SCARB2: variants seen among roughly 807,000 people sequenced by gnomAD.
SCARB2 encodes the protein scavenger receptor class B member 2.
A neutral mutation model predicts 58.6 loss-of-function variants in SCARB2; 29 were observed. That is an observed-to-expected ratio of 0.49 (90% confidence interval 0.37 to 0.67). The LOEUF (loss-of-function observed/expected upper bound fraction) is 0.67. Ranked by LOEUF, SCARB2 falls within the 30% of genes least tolerant of loss-of-function variation. The probability of loss-of-function intolerance (pLI) is 0.00; values close to 1 mark genes in which losing one functional copy is unlikely to be tolerated. For missense variants in SCARB2, 488 were observed against 578.5 expected (o/e 0.84, Z 1.60); for synonymous variants, 195 against 210.1 (o/e 0.93, Z 0.62).
Position 76,168,404 on chromosome 4 carries a change from C to T in SCARB2, c.1186G>A (p.Val396Ile), listed in dbSNP as rs2228380. The stretch of plus-strand genomic sequence containing the variant: ...TCCATAGAAAGAAGCAAAACTTACA[C>T]AAAGTCATCTAATTTTTTGACATAA... Reference protein sequence around the residue: ...NIYVKKLDDFVETGDIRTMVF... With the variant: ...NIYVKKLDDFIETGDIRTMVF... Residue 396 changes from valine (V) to isoleucine (I), a missense_variant and splice_region_variant, in exon 9 of 12, where the codon GTT becomes ATT. By Grantham distance (29) the Val-to-Ile change is conservative. Transcript: ENST00000264896. 6,943 of 1,613,768 alleles carry T rather than the reference C, an allele frequency of 4.3e-3. 266 individuals are homozygous for T. In the African/African-American group the frequency reaches 0.081, roughly 19 times the overall value.
At position 76,159,387 on chromosome 4, in the gene SCARB2, G is replaced by A. The variant is rs1349377998; in HGVS notation, c.*2326C>T. On this transcript the variant is annotated 3_prime_UTR_variant, in exon 12 of 12. Coordinates refer to ENST00000264896, the MANE Select transcript of SCARB2 (RefSeq NM_005506.4). ...TTGTAGATCTGTCTCAGACTTTTCA[G>A]AAGGATAGTATCAAATGTGATTTAA... The A allele has an allele frequency of 6.6e-6, 1 of 152,070 alleles. No individual in the cohort carries two copies. Among genetic ancestry groups the A allele is most frequent in the African/African-American group, 2.4e-5 (1 of 41,390 alleles). 9.4% of individuals were successfully genotyped at this position (152,070 alleles called of 1,614,324 possible).
chr4:76,209,843 AG>A (rs1276295862), intron 1 of SCARB2, among the ~76,000 whole-genome samples: 10 of 152,282 alleles, frequency 6.6e-5, no homozygotes, highest in African/African-American at 2.4e-4. Flanking sequence ...ACCTGTGAAG[AG>A]GAAGTCAAAG....
intron 9 of SCARB2, among the ~76,000 whole-genome samples, chr4:76,167,785 G>A (rs1045194500): frequency 1.7e-4 from 26 of 148,922 alleles, no homozygotes; most frequent in Middle Eastern, 3.5e-3. Context: ...TGGTTCAAGC[G>A]ATTCTCTTGC....
At chr4:76,193,866 T>C (rs771205123) in intron 2 of SCARB2, 4 of 152,230 alleles carry the variant, frequency 2.6e-5, no homozygotes, top group Non-Finnish European at 5.9e-5. Context: ...TATTTTAACA[T>C]GTGAGAAGGA....
chr4:76,185,620 T>C (rs1345008639), intron 2 of SCARB2, among the ~76,000 whole-genome samples: 1 of 152,154 alleles, frequency 6.6e-6, no homozygotes, highest in Non-Finnish European at 1.5e-5. Flanking sequence ...GGAGTGGAAA[T>C]CAAAAGGAAT....
intron 2 of SCARB2, chr4:76,184,770 A>G (rs1392877500): frequency 5.2e-6 from 2 of 382,174 alleles, no homozygotes; most frequent in Non-Finnish European, 1.0e-5. Flanking sequence ...CAACAGAGCA[A>G]GACTTTGTCT....
At chr4:76,184,745 G>A in intron 2 of SCARB2, 1 of 376,264 alleles carries the variant, frequency 2.7e-6, no homozygotes, top group Non-Finnish European at 5.1e-6. Context: ...TCATGCCACT[G>A]CATTCCAGCA....
chr4:76,233,869 G>C (rs1265234503), intron 1 of SCARB2, among the ~76,000 whole-genome samples: 1 of 151,984 alleles, frequency 6.6e-6, no homozygotes, highest in Non-Finnish European at 1.5e-5. Context: ...GTTGGGGGGG[G>C]CTTGGTTTAG....
chr4:76,163,250 C>A lies in SCARB2; in HGVS notation c.1373G>T (p.Cys458Phe), dbSNP rs1578712032. The change falls in exon 11 of 12, where the codon TGC (cysteine) becomes TTC (phenylalanine). Residue 458 changes from cysteine to phenylalanine, a missense_variant. Physicochemically the swap from Cys to Phe is radical, Grantham distance 205. Transcript: ENST00000264896. Reference sequence around the variant, plus strand: ...CTCATCCATGGATCCCTGTCCTTTGCATGCAAGCCAGGTAAAAACCAAACC... The same window carrying A: ...CTCATCCATGGATCCCTGTCCTTTGAATGCAAGCCAGGTAAAAACCAAACC... The part of the protein sequence containing the change: ...FFGLVFTWLA[C>F]KGQGSMDEGT... 2 of 1,614,164 alleles carry A rather than the reference C, an allele frequency of 1.2e-6. No homozygotes were observed. Among genetic ancestry groups the A allele is most frequent in the Non-Finnish European group, 1.7e-6 (2 of 1,180,018 alleles).
chr4:76,166,164 C>G (rs1017675198), intron 10 of SCARB2, 86 bp downstream of exon 10: 13 of 1,321,624 alleles, frequency 9.8e-6, no homozygotes, highest in Non-Finnish European at 1.4e-5. Flanking sequence ...TCTGTCATAA[C>G]TTACATGTAA....
intron 7 of SCARB2, chr4:76,173,881 AT>A: frequency 2.2e-6 from 1 of 448,258 alleles, no homozygotes; most frequent in Non-Finnish European, 4.1e-6. Context: ...GTTATGAAAC[AT>A]TGTTCTTGAA....
intron 1 of SCARB2, among the ~76,000 whole-genome samples, chr4:76,227,772 T>C (rs1308638910): frequency 6.6e-6 from 1 of 152,232 alleles, no homozygotes; most frequent in East Asian, 1.9e-4. Context: ...CTTGTCACTA[T>C]ATAATGTGCC....
At position 76,213,448 on chromosome 4, in the gene SCARB2, A is replaced by G. The variant is rs752537434; in HGVS notation, c.96T>C (p.Ala32=). The change falls in exon 1 of 12, where the codon GCT becomes GCC. Residue 32 remains alanine (A), a synonymous_variant. Coordinates refer to ENST00000264896, the MANE Select transcript of SCARB2 (RefSeq NM_005506.4). The stretch of plus-strand genomic sequence containing the variant: ...TCACCTTCTCGATACTCTGGTCTAC[A>G]GCCTTCTGGAAGACCCGGGCCACCA... ...TLLVARVFQK[A]VDQSIEKKIV... 5 of 1,610,330 alleles carry G rather than the reference A, an allele frequency of 3.1e-6. No individual in the cohort carries two copies. The Admixed American group carries it at 8.4e-5, about 27-fold the overall frequency.
chr4:76,220,953 G>T (rs1733295820), intron 1 of SCARB2, among the ~76,000 whole-genome samples: 1 of 152,138 alleles, frequency 6.6e-6, no homozygotes, highest in African/African-American at 2.4e-5. Flanking sequence ...TTCCCCTGGG[G>T]ATGGCAGCTT....
At chr4:76,169,317 T>C (rs1345440216) in intron 8 of SCARB2, among the ~76,000 whole-genome samples, 2 of 127,398 alleles carry the variant, frequency 1.6e-5, no homozygotes, top group Non-Finnish European at 3.2e-5. Context: ...ATGTGTATTA[T>C]ACACACACAC....
chr4:76,233,235 GT>G (rs1170367186), intron 1 of SCARB2, among the ~76,000 whole-genome samples: 1 of 151,964 alleles, frequency 6.6e-6, no homozygotes, highest in African/African-American at 2.4e-5. Context: ...CTGCAGCCAA[GT>G]TTTGCCTTCT....
intron 5 of SCARB2, 47 bp downstream of exon 5, chr4:76,176,390 A>T: frequency 7.3e-7 from 1 of 1,361,662 alleles, no homozygotes; most frequent in Non-Finnish European, 1.0e-6. Flanking sequence ...CATGTAGTTT[A>T]AATGAAAACT....
intron 1 of SCARB2, among the ~76,000 whole-genome samples, chr4:76,210,069 A>G (rs1322974665): frequency 3.9e-5 from 6 of 152,234 alleles, no homozygotes; most frequent in Non-Finnish European, 7.3e-5. Flanking sequence ...CATAGCTTGT[A>G]TAATAAGTTT....
At chr4:76,217,616 G>T, upstream of SCARB2, 1 of 623,548 alleles carries the variant, frequency 1.6e-6, no homozygotes. Flanking sequence ...CAATGCAGAT[G>T]TCTGTGCCGT....
Sources: gnomAD v4.1 joint callset for allele counts (sites outside exome capture counted in the v4.1 genomes callset) on GRCh38, gnomAD v4.1.1 for gene constraint, MANE v1.5 for transcripts, NCBI Gene and HGNC (gene_info 2026-07-23, HGNC 2026-07-21) for gene names.